The following CHRNA2 variants were observed in gnomAD, a reference collection of about 807,000 sequenced individuals.
CHRNA2 encodes neuronal acetylcholine receptor subunit alpha-2.
In CHRNA2, 40 loss-of-function variants were observed where a neutral mutation model predicts 45.5. That is an observed-to-expected ratio of 0.88 (90% confidence interval 0.68 to 1.15). The LOEUF is 1.15. Among genes scored for constraint, CHRNA2 ranks in the 50% most tolerant of loss-of-function variants. The pLI, the probability that CHRNA2 is intolerant of heterozygous loss-of-function variation, is 0.00. For missense variants in CHRNA2, 655 were observed against 701.7 expected (o/e 0.93, Z 0.75); for synonymous variants, 301 against 296.7 (o/e 1.01, Z -0.15).
At position 27,470,666 on chromosome 8, in the gene CHRNA2, C is replaced by T. The variant is rs562411776; in HGVS notation, c.73+320G>A. On this transcript the variant is annotated intron_variant, in intron 2 of 6. Coordinates refer to ENST00000407991, the MANE Select transcript of CHRNA2 (RefSeq NM_000742.4). ...ATCTGGGACAGAAAGCGCTGTGTCC[C>T]GAGTGCCTCCTGTATCCCAGATTCT... Among the ~76,000 whole-genome samples, 19 of 152,342 alleles carry T rather than the reference C, an allele frequency of 1.2e-4. No homozygotes were observed. The East Asian group carries it at 3.3e-3, about 26-fold the overall frequency.
intron 1 of CHRNA2, among the ~76,000 whole-genome samples, chr8:27,475,883 C>T (rs139845386): frequency 1.3e-5 from 2 of 152,144 alleles, no homozygotes; most frequent in African/African-American, 4.8e-5. Flanking sequence ...AGGGTGACCA[C>T]TGTATCTTAT....
chr8:27,466,076 C>G (rs1303448820), intron 5 of CHRNA2, among the ~76,000 whole-genome samples: 1 of 152,166 alleles, frequency 6.6e-6, no homozygotes, highest in African/African-American at 2.4e-5. Flanking sequence ...CTATGGGGCA[C>G]AGAGATACGA....
At chr8:27,464,085 A>C in intron 5 of CHRNA2, 92 bp from the exon 6 acceptor site, 1 of 1,421,474 alleles carries the variant, frequency 7.0e-7, no homozygotes, top group Non-Finnish European at 9.8e-7. Flanking sequence ...AACCCGAAGA[A>C]CCAAGTCAGA....
chr8:27,469,371 C>T lies in CHRNA2; in HGVS notation c.303G>A (p.Lys101=), dbSNP rs1256969626. 1 of 1,556,858 alleles carries T rather than the reference C, an allele frequency of 6.4e-7. No homozygotes were observed. The highest frequency in any genetic ancestry group is 1.2e-5 in the South Asian group (1 of 84,448). ...AGACGTTGGTGGTCATCATTTGGTT[C>T]TTCTCATCCTGGCCCAGAGAGAGAC... The part of the protein sequence containing the change: ...SIAQLIDVDE[K]NQMMTTNVWL... Residue 101 remains lysine, a synonymous_variant, in exon 4 of 7, where the codon AAG becomes AAA. Transcript: ENST00000407991.
In CHRNA2 at chr8:27,469,344, C is replaced by A; in HGVS notation, c.330G>T (p.Trp110Cys). 6.4e-7 allele frequency: 1 copy of A among 1,556,326 alleles called. No individual in the cohort carries two copies. Reference protein sequence around the residue: ...EKNQMMTTNVWLKQEWSDYKL... With the variant: ...EKNQMMTTNVCLKQEWSDYKL... ...GGAGGGGGGCCCTCACCTGTTTTAG[C>A]CAGACGTTGGTGGTCATCATTTGGT... Residue 110 changes from tryptophan to cysteine, a missense_variant, in exon 4 of 7, where the codon TGG becomes TGT. Coordinates refer to ENST00000407991, the MANE Select transcript of CHRNA2 (RefSeq NM_000742.4).
chr8:27,464,021 C>T, intron 5 of CHRNA2, 28 bp from the exon 6 acceptor site: 4 of 1,612,498 alleles, frequency 2.5e-6, no homozygotes, highest in Non-Finnish European at 3.4e-6. Context: ...GCTGGGGAGA[C>T]CCCTGCACAC....
intron 3 of CHRNA2, 104 bp downstream of exon 3, chr8:27,469,657 T>C: frequency 3.5e-6 from 5 of 1,410,754 alleles, no homozygotes; most frequent in Non-Finnish European, 5.0e-6. Context: ...CCCAAGTCAC[T>C]GCTGTGCGTG....
intron 3 of CHRNA2, 40 bp downstream of exon 3, chr8:27,469,721 G>A (rs1489148162): frequency 1.2e-6 from 2 of 1,609,118 alleles, no homozygotes; most frequent in South Asian, 2.2e-5. Context: ...GGTGGTCTGG[G>A]ATCTCCTTCC....
rs1405256890 is a variant in CHRNA2 at position 27,460,214 on chromosome 8, CTG to C, written c.*1413_*1414del. 1 of 152,260 alleles carries C rather than the reference CTG, an allele frequency of 6.6e-6. No homozygotes were observed. The highest frequency in any genetic ancestry group is 1.5e-5 in the Non-Finnish European group (1 of 68,086). The allele number at this position is 152,260 out of a possible 1,614,324, so 9.4% of individuals were successfully genotyped here. A position where few individuals can be genotyped will look rare whatever the true frequency, so the allele number is the denominator to read the frequency against. On this transcript the variant is annotated 3_prime_UTR_variant, in exon 7 of 7. Transcript: ENST00000407991. ...AGCTGCCAATGTCCCACCCTCCAGT[CTG>C]GACAGAGTTGGGGGGAGGTCTGTTG...
intron 5 of CHRNA2, among the ~76,000 whole-genome samples, chr8:27,464,499 G>A (rs1200679057): frequency 6.6e-6 from 1 of 152,130 alleles, no homozygotes; most frequent in Non-Finnish European, 1.5e-5. Context: ...CAAAGTTCGT[G>A]CGTGTTAGGG....
At position 27,463,198 on chromosome 8, in the gene CHRNA2, C is replaced by A; in HGVS notation, c.1245G>T (p.Val415=). The A allele has an allele frequency of 6.3e-7, 1 of 1,589,954 alleles. No individual in the cohort carries two copies. The highest frequency in any genetic ancestry group is 1.1e-5 in the South Asian group (1 of 87,640). Residue 415 remains valine (V), a synonymous_variant, in exon 6 of 7, where the codon GTG becomes GTT. Transcript: ENST00000407991. This position sits in a 1 kb window ranked among gnomAD's most constrained non-coding sequence, Gnocchi z 6.1. ...CCCATCTGTCCTCCTCCTCCACCACCACCTCCCTCTCCTCGGCATCCACGT... is the reference window on the plus strand; with the variant it reads ...CCCATCTGTCCTCCTCCTCCACCACAACCTCCCTCTCCTCGGCATCCACGT... ...ESNVDAEERE[V]VVEEEDRWAC...
chr8:27,478,479 T>C (rs1008360297), intron 1 of CHRNA2, among the ~76,000 whole-genome samples: 2 of 152,230 alleles, frequency 1.3e-5, no homozygotes, highest in African/African-American at 2.4e-5. Context: ...TGCTGTCTTT[T>C]AGCCCTTTTA....
At chr8:27,462,079 C>T (rs1036910365) in intron 6 of CHRNA2, among the ~76,000 whole-genome samples, 4 of 152,168 alleles carry the variant, frequency 2.6e-5, no homozygotes, top group African/African-American at 9.7e-5. Flanking sequence ...GGGCATGGGC[C>T]CTTCTAGGGG....
chr8:27,465,332 AG>A (rs1297278781), intron 5 of CHRNA2, among the ~76,000 whole-genome samples: 1 of 152,184 alleles, frequency 6.6e-6, no homozygotes, highest in Admixed American at 6.5e-5. Context: ...ACTTGGGAAC[AG>A]GGGGCTTTTT....
At chr8:27,467,976 C>T (rs750659052) in intron 4 of CHRNA2, among the ~76,000 whole-genome samples, 10 of 152,158 alleles carry the variant, frequency 6.6e-5, no homozygotes, top group Non-Finnish European at 1.2e-4. Context: ...CCATCAGGTT[C>T]GTATTATCTC....
intron 4 of CHRNA2, 105 bp from the exon 5 acceptor site, chr8:27,467,443 G>A (rs1044754212): frequency 8.5e-5 from 71 of 839,716 alleles, no homozygotes; most frequent in Non-Finnish European, 1.3e-4. Context: ...CAGCCCCCTT[G>A]GAGCAGCCAG....
At chr8:27,476,028 C>G (rs77188358) in intron 1 of CHRNA2, among the ~76,000 whole-genome samples, 1 of 152,230 alleles carries the variant, frequency 6.6e-6, no homozygotes, top group Non-Finnish European at 1.5e-5. Flanking sequence ...AGGCTTCTCA[C>G]TTAATTTGGG....
chr8:27,470,956 G>T, intron 2 of CHRNA2, 30 bp downstream of exon 2: 1 of 1,609,118 alleles, frequency 6.2e-7, no homozygotes, highest in Non-Finnish European at 8.5e-7. Context: ...ATGAGATGAA[G>T]TCTTACAATG....
At chr8:27,470,808 G>A (rs973908750) in intron 2 of CHRNA2, among the ~76,000 whole-genome samples, 178 bp downstream of exon 2, 1 of 152,234 alleles carries the variant, frequency 6.6e-6, no homozygotes, top group African/African-American at 2.4e-5. Context: ...AGATGCTAAC[G>A]TCAGAGCTGT....
Sources: allele counts gnomAD v4.1 joint callset (sites outside exome capture counted in the v4.1 genomes callset), GRCh38; gene constraint gnomAD v4.1.1; non-coding constraint Gnocchi (gnomAD v3.1); transcripts MANE v1.5; gene names NCBI Gene and HGNC (gene_info 2026-07-23, HGNC 2026-07-21).